The following ACAD10 variants were observed in gnomAD, a reference collection of about 807,000 sequenced individuals.
ACAD10 encodes ACAD-10.
Under a neutral mutation model 116.8 loss-of-function variants are expected in ACAD10, and 112 were observed. That is an observed-to-expected ratio of 0.96 (90% CI 0.82 to 1.12). The LOEUF (loss-of-function observed/expected upper bound fraction) is 1.12, where lower values mean the gene tolerates loss of function less well. Among genes scored for constraint, ACAD10 ranks in the 50% most tolerant of loss-of-function variants. The pLI is 0.00. For synonymous variants in ACAD10, 486 were observed against 510.6 expected (o/e 0.95, Z 0.65); for missense variants, 1,259 against 1,350.2 (o/e 0.93, Z 1.06).
At chr12:111,749,013 T>C in intron 17 of ACAD10, 160 bp from the exon 18 acceptor site, 1 of 1,612,660 alleles carries the variant, frequency 6.2e-7, no homozygotes, top group East Asian at 2.2e-5. Context: ...TTTAACAGGC[T>C]GTTTCCTGCC....
chr12:111,756,679 G>C lies in ACAD10; in HGVS notation c.*206G>C, dbSNP rs1195735283. On this transcript the variant is annotated 3_prime_UTR_variant, in exon 21 of 21. Transcript: ENST00000313698. Reference sequence around the variant, plus strand: ...GCCTGGAGTCTGTTTCAGGCCAGGAGGAGGGGATTTGCTGAGGGCCAAGGG... The same window carrying C: ...GCCTGGAGTCTGTTTCAGGCCAGGACGAGGGGATTTGCTGAGGGCCAAGGG... 1 of 886,202 alleles carries C rather than the reference G, an allele frequency of 1.1e-6. No homozygotes were observed. The highest frequency in any genetic ancestry group is 1.8e-6 in the Non-Finnish European group (1 of 557,914). 54.9% of individuals were successfully genotyped at this position (886,202 alleles called of 1,614,324 possible).
intron 19 of ACAD10, among the ~76,000 whole-genome samples, chr12:111,755,358 G>A (rs112251325): frequency 9.9e-5 from 15 of 152,116 alleles, no homozygotes; most frequent in African/African-American, 3.4e-4. Context: ...TGCCCGCCTC[G>A]GCCTCCCAAA....
intron 8 of ACAD10, among the ~76,000 whole-genome samples, chr12:111,724,765 G>A (rs1322040584): frequency 6.6e-6 from 1 of 151,992 alleles, no homozygotes; most frequent in Non-Finnish European, 1.5e-5. Flanking sequence ...CTTCGGCTCG[G>A]CATGAGAGGG....
chr12:111,723,655 A>C (rs1439266100), intron 8 of ACAD10, among the ~76,000 whole-genome samples: 26 of 79,180 alleles, frequency 3.3e-4, no homozygotes, highest in African/African-American at 5.0e-4. Context: ...TGACCCCCCG[A>C]CCTCCCTCCC....
chr12:111,747,436 GT>G (rs770667383), intron 16 of ACAD10, 51 bp downstream of exon 16: 2 of 1,602,926 alleles, frequency 1.2e-6, no homozygotes, highest in Non-Finnish European at 1.7e-6. Context: ...AGTCTGTGCT[GT>G]TAGGCGCGTC....
chr12:111,724,320 A>G (rs1200437602), intron 8 of ACAD10, among the ~76,000 whole-genome samples: 4 of 151,076 alleles, frequency 2.6e-5, no homozygotes, highest in African/African-American at 9.7e-5. Flanking sequence ...CACTTTCCAG[A>G]CTGGGCAGCC....
chr12:111,723,756 G>A (rs1339579458), intron 8 of ACAD10, among the ~76,000 whole-genome samples: 8 of 151,436 alleles, frequency 5.3e-5, no homozygotes, highest in Non-Finnish European at 1.2e-4. Context: ...CAGATGGGGT[G>A]GCTGCCGGGC....
rs1159718930 is a variant in ACAD10, at chr12:111,756,654, G to A, written c.*181G>A. Reference sequence around the variant, plus strand: ...TCCACAGAAGACGTCTCTGCAAGAAGCCTGGAGTCTGTTTCAGGCCAGGAG... The same window carrying A: ...TCCACAGAAGACGTCTCTGCAAGAAACCTGGAGTCTGTTTCAGGCCAGGAG... On this transcript the variant is annotated 3_prime_UTR_variant, in exon 21 of 21. Transcript: ENST00000313698. The A allele has an allele frequency of 3.8e-6, 4 of 1,043,972 alleles. No individual in the cohort carries two copies. The highest frequency in any genetic ancestry group is 4.3e-6 in the Non-Finnish European group (3 of 699,578). The allele number at this position is 1,043,972 out of a possible 1,614,324, so 64.7% of individuals were successfully genotyped here.
At chr12:111,718,034 T>A (rs1293089812) in intron 7 of ACAD10, among the ~76,000 whole-genome samples, 1 of 141,526 alleles carries the variant, frequency 7.1e-6, no homozygotes, top group Non-Finnish European at 1.5e-5. Flanking sequence ...TATAGTGATA[T>A]CCTTTTTTTT....
intron 19 of ACAD10, 68 bp downstream of exon 19, chr12:111,753,983 A>G: frequency 6.6e-7 from 1 of 1,508,410 alleles, no homozygotes. Context: ...GCAAAGCATG[A>G]GAGCCTGGCT....
chr12:111,692,642 G>A (rs1018025666), intron 1 of ACAD10, 55 bp from the exon 2 acceptor site: 4 of 1,545,562 alleles, frequency 2.6e-6, no homozygotes, highest in East Asian at 2.3e-5. Context: ...CAGGATGGAG[G>A]CCTGGTTGGG....
At chr12:111,688,621 G>A (rs1402033520) in intron 1 of ACAD10, among the ~76,000 whole-genome samples, 1 of 151,852 alleles carries the variant, frequency 6.6e-6, no homozygotes, top group Non-Finnish European at 1.5e-5. Flanking sequence ...GGCCAACATG[G>A]TTAACACCCG....
At chr12:111,744,579 CAT>C (rs1302845067) in intron 12 of ACAD10, 62 bp from the exon 13 acceptor site, 3 of 1,542,786 alleles carry the variant, frequency 1.9e-6, no homozygotes, top group Non-Finnish European at 2.6e-6. Flanking sequence ...AGTGTCATCA[CAT>C]GTTAACATCC....
chr12:111,732,864 T>C (rs1178925708), intron 10 of ACAD10, among the ~76,000 whole-genome samples: 2 of 152,238 alleles, frequency 1.3e-5, no homozygotes, highest in East Asian at 3.8e-4. Context: ...ACTGAGTGGC[T>C]GTCAACAACG....
chr12:111,723,285 C>T (rs1889086886), intron 8 of ACAD10, among the ~76,000 whole-genome samples: 1 of 136,630 alleles, frequency 7.3e-6, no homozygotes, highest in Non-Finnish European at 1.6e-5. Flanking sequence ...AGGCGCCCCT[C>T]ACCTCCCAGA....
chr12:111,756,912 G>T lies in ACAD10; in HGVS notation c.*439G>T, dbSNP rs1433302664. The T allele has an allele frequency of 2.2e-6, 1 of 458,174 alleles. No homozygotes were observed. Among genetic ancestry groups the T allele is most frequent in the East Asian group, 6.9e-5 (1 of 14,486 alleles). 28.4% of individuals were successfully genotyped at this position (458,174 alleles called of 1,614,324 possible). Reference sequence around the variant, plus strand: ...GGCCTCCCTGGTGAGCAGAGGGGCGGCCACGGCGGGCGGTGGCCTAGAGAC... The same window carrying T: ...GGCCTCCCTGGTGAGCAGAGGGGCGTCCACGGCGGGCGGTGGCCTAGAGAC... On this transcript the variant is annotated 3_prime_UTR_variant, in exon 21 of 21. Coordinates refer to ENST00000313698, the MANE Select transcript of ACAD10 (RefSeq NM_025247.6).
intron 4 of ACAD10, among the ~76,000 whole-genome samples, chr12:111,707,357 A>G (rs1416910536): frequency 6.6e-6 from 1 of 151,844 alleles, no homozygotes; most frequent in East Asian, 1.9e-4. Context: ...CAGCCTCCCA[A>G]AGTGCTGAGA....
At chr12:111,754,000 C>T (rs372960581) in intron 19 of ACAD10, 85 bp downstream of exon 19, 4 of 1,470,092 alleles carry the variant, frequency 2.7e-6, no homozygotes. Context: ...GGCTTCTTGA[C>T]ATTAGAAACT....
intron 12 of ACAD10, among the ~76,000 whole-genome samples, chr12:111,743,242 T>C (rs1273157095): frequency 1.3e-5 from 2 of 152,048 alleles, no homozygotes; most frequent in African/African-American, 2.4e-5. Flanking sequence ...GAGTGACATA[T>C]GTATTTATGG....
Sources: allele counts gnomAD v4.1 joint callset (sites outside exome capture counted in the v4.1 genomes callset), GRCh38; gene constraint gnomAD v4.1.1; transcripts MANE v1.5; gene names NCBI Gene and HGNC (gene_info 2026-07-23, HGNC 2026-07-21).